Variants in SEPTIN9 observed in about 807,000 individuals in gnomAD.
The protein encoded by SEPTIN9 is septin-9.
Under a neutral mutation model 56.6 loss-of-function variants are expected in SEPTIN9, and 13 were observed. The ratio of observed to expected loss-of-function variants is 0.23; its 90% confidence interval spans 0.15 to 0.37. SEPTIN9 has a LOEUF of 0.37. SEPTIN9 is among the 10% of genes least tolerant of loss of function. SEPTIN9 has a pLI of 1.00. For missense variants in SEPTIN9, 650 were observed against 823.1 expected (o/e 0.79, Z 2.57); for synonymous variants, 332 against 334.1 (o/e 0.99, Z 0.07).
intron 2 of SEPTIN9, among the ~76,000 whole-genome samples, chr17:77,315,577 C>T (rs1052820743): frequency 9.9e-5 from 15 of 152,192 alleles, no homozygotes; most frequent in African/African-American, 2.9e-4. Context: ...TGAGCCACTG[C>T]ACCCGGCCAC....
chr17:77,333,073 C>T (rs1298393535), intron 2 of SEPTIN9, among the ~76,000 whole-genome samples: 1 of 152,196 alleles, frequency 6.6e-6, no homozygotes, highest in Non-Finnish European at 1.5e-5. Context: ...TTTCACACTC[C>T]CACCAGCAAT....
At chr17:77,480,272 G>A (rs1488002319) in intron 3 of SEPTIN9, among the ~76,000 whole-genome samples, 1 of 152,212 alleles carries the variant, frequency 6.6e-6, no homozygotes, top group Non-Finnish European at 1.5e-5. Flanking sequence ...GTGCCTGTGA[G>A]GATAAACCAG....
At position 77,323,237 on chromosome 17, in the gene SEPTIN9, C is replaced by G. The variant is rs926290115; in HGVS notation, c.76+16040C>G. 7.9e-5 allele frequency among the ~76,000 whole-genome samples: 12 copies of G among 152,128 alleles called. No individual in the cohort carries two copies. Among genetic ancestry groups the G allele is most frequent in the African/African-American group, 2.9e-4 (12 of 41,418 alleles). ...GGTGCTGGAGGGTTTGTCAGCAGGGCCGGCATGAGTCATGGAGTGGTGACT... is the reference window on the plus strand; with the variant it reads ...GGTGCTGGAGGGTTTGTCAGCAGGGGCGGCATGAGTCATGGAGTGGTGACT... On this transcript the variant is annotated intron_variant, in intron 2 of 11. Coordinates refer to ENST00000427177, the MANE Select transcript of SEPTIN9 (RefSeq NM_001113491.2). The surrounding 1 kb of genome is among the most constrained non-coding windows in gnomAD (Gnocchi z 6.8).
Position 77,292,374 on chromosome 17 carries a change from C to G in SEPTIN9, c.19+10820C>G, listed in dbSNP as rs534774943. 2.5e-4 allele frequency among the ~76,000 whole-genome samples: 38 copies of G among 152,330 alleles called. No individual in the cohort carries two copies. In the South Asian group the frequency reaches 5.2e-3, roughly 21 times the overall value. On this transcript the variant is annotated intron_variant, in intron 1 of 11. Transcript: ENST00000427177. ...TAAAGGTTGAGTGAAACGCATCTAC[C>G]CCTTTGGTGACTGGGGTGCCCATTA... is the stretch of plus-strand genomic sequence containing the variant.
At position 77,406,423 on chromosome 17, in the gene SEPTIN9, A is replaced by T. The variant is rs369743133; in HGVS notation, c.721+3720A>T. On this transcript the variant is annotated intron_variant, in intron 3 of 11. Coordinates refer to ENST00000427177, the MANE Select transcript of SEPTIN9 (RefSeq NM_001113491.2). ...GGCTTGGGATATAAATGATTTGTGTATAAACTTTCTTTCCTCTGCTAGACT... is the reference window on the plus strand; with the variant it reads ...GGCTTGGGATATAAATGATTTGTGTTTAAACTTTCTTTCCTCTGCTAGACT... 3.3e-5 allele frequency among the ~76,000 whole-genome samples: 5 copies of T among 151,492 alleles called. No individual in the cohort carries two copies. In the South Asian group the frequency reaches 1.0e-3, roughly 32 times the overall value.
chr17:77,321,797 G>A (rs764749615), intron 2 of SEPTIN9, among the ~76,000 whole-genome samples: 36 of 152,242 alleles, frequency 2.4e-4, no homozygotes, highest in Non-Finnish European at 4.9e-4. Context: ...GGGGCCAGGG[G>A]AGACGGCAGA....
intron 2 of SEPTIN9, among the ~76,000 whole-genome samples, chr17:77,332,190 T>A (rs934425031): frequency 2.6e-5 from 4 of 152,006 alleles, no homozygotes. Context: ...GGTGAGAGGA[T>A]TGCTTGAACC....
At chr17:77,296,040 G>T (rs954196684) in intron 1 of SEPTIN9, among the ~76,000 whole-genome samples, 1 of 152,058 alleles carries the variant, frequency 6.6e-6, no homozygotes, top group Non-Finnish European at 1.5e-5. Flanking sequence ...AATCTAATAG[G>T]ATTGATGTCC....
intron 2 of SEPTIN9, among the ~76,000 whole-genome samples, chr17:77,321,422 C>T (rs1289487501): frequency 1.3e-4 from 20 of 149,520 alleles, no homozygotes; most frequent in East Asian, 7.9e-4. Flanking sequence ...TTCTTTGAGA[C>T]GGAGTCTGGC....
intron 2 of SEPTIN9, among the ~76,000 whole-genome samples, chr17:77,372,841 A>C (rs1051852006): frequency 2.0e-5 from 3 of 152,202 alleles, no homozygotes; most frequent in Non-Finnish European, 2.9e-5. Flanking sequence ...TCTTGAGCCC[A>C]CAGGCCGGGA....
chr17:77,395,732 T>A (rs1013766736), intron 2 of SEPTIN9, among the ~76,000 whole-genome samples: 2 of 152,218 alleles, frequency 1.3e-5, no homozygotes, highest in African/African-American at 4.8e-5. Flanking sequence ...TGAAATGGAA[T>A]TAGGATCTTT....
rs1321452335 is a variant in SEPTIN9 at position 77,490,828 on chromosome 17, C to T, written c.1349C>T (p.Thr450Ile). The change falls in exon 8 of 12, where the codon ACC becomes ATC. Residue 450 changes from threonine to isoleucine, a missense_variant. By Grantham distance (89) the Thr-to-Ile change is moderately conservative (BLOSUM62 -1). Coordinates refer to ENST00000427177, the MANE Select transcript of SEPTIN9 (RefSeq NM_001113491.2). ...GTCATCGCCAAGGCGGACACACTCA[C>T]CCTGGAGGAGAGGGTCCACTTCAAA... is the stretch of plus-strand genomic sequence containing the variant. ...VPVIAKADTL[T>I]LEERVHFKQR... 2.5e-6 allele frequency: 4 copies of T among 1,591,056 alleles called. No individual in the cohort carries two copies. Among genetic ancestry groups the T allele is most frequent in the South Asian group, 2.3e-5 (2 of 87,380 alleles).
chr17:77,446,736 C>T (rs1455515355), intron 3 of SEPTIN9: 1 of 167,050 alleles, frequency 6.0e-6, no homozygotes, highest in Non-Finnish European at 1.5e-5. Flanking sequence ...TCTACAGAGT[C>T]CCTGTTGCCA....
rs900656024 is a variant in SEPTIN9 at position 77,436,649 on chromosome 17, C to T, written c.721+33946C>T. On this transcript the variant is annotated intron_variant, in intron 3 of 11. Transcript: ENST00000427177. The surrounding 1 kb of genome is among the most constrained non-coding windows in gnomAD (Gnocchi z 4.4). Reference sequence around the variant, plus strand: ...GAGGGAGTGACCTGGCCCCTGGCCCCGGCCACCTACACCTCCTGTTTTGCT... The same window carrying T: ...GAGGGAGTGACCTGGCCCCTGGCCCTGGCCACCTACACCTCCTGTTTTGCT... Among the ~76,000 whole-genome samples the T allele has an allele frequency of 2.6e-5, 4 of 152,238 alleles. No homozygotes were observed. Among genetic ancestry groups the T allele is most frequent in the African/African-American group, 7.2e-5 (3 of 41,464 alleles).
chr17:77,394,563 G>A (rs576584872), intron 2 of SEPTIN9, among the ~76,000 whole-genome samples: 1 of 152,342 alleles, frequency 6.6e-6, no homozygotes, highest in African/African-American at 2.4e-5. Flanking sequence ...CAGAGGCCAC[G>A]TTGCTCCCTC....
chr17:77,307,403 T>A (rs986587909), intron 2 of SEPTIN9, among the ~76,000 whole-genome samples: 2 of 152,186 alleles, frequency 1.3e-5, no homozygotes, highest in Non-Finnish European at 2.9e-5. Flanking sequence ...CTGGAGATGA[T>A]CCTTGTGGGG....
intron 1 of SEPTIN9, chr17:77,288,132 G>T (rs771108558): frequency 2.8e-6 from 3 of 1,063,046 alleles, no homozygotes; most frequent in Admixed American, 1.1e-4. Flanking sequence ...ACCCCACCCC[G>T]GCCTGGGGTT....
At chr17:77,415,902 C>G (rs746439251) in intron 3 of SEPTIN9, among the ~76,000 whole-genome samples, 1 of 152,186 alleles carries the variant, frequency 6.6e-6, no homozygotes. Context: ...AGAGCAGGGC[C>G]GGCTGGGGCA....
intron 2 of SEPTIN9, chr17:77,373,632 C>T (rs1396500713): frequency 2.0e-6 from 3 of 1,509,942 alleles, no homozygotes; most frequent in East Asian, 2.7e-5. Flanking sequence ...GACGGGGGTG[C>T]GCTGAGGGGA....
Sources: allele counts gnomAD v4.1 joint callset (sites outside exome capture counted in the v4.1 genomes callset), GRCh38; gene constraint gnomAD v4.1.1; non-coding constraint Gnocchi (gnomAD v3.1); transcripts MANE v1.5; gene names NCBI Gene and HGNC (gene_info 2026-07-23, HGNC 2026-07-21).